The following GALNT13 variants were observed in gnomAD, a reference collection of about 807,000 sequenced individuals.
The protein encoded by GALNT13 is UDP-GalNAc:polypeptide N-acetylgalactosaminyltransferase 13.
A neutral mutation model predicts 64.2 loss-of-function variants in GALNT13; 28 were observed. The observed-to-expected ratio is 0.44, with a 90% CI of 0.32 to 0.60. The LOEUF is 0.60. GALNT13 is among the 20% of genes least tolerant of loss of function. The probability of loss-of-function intolerance (pLI) is 0.05; values close to 1 mark genes in which losing one functional copy is unlikely to be tolerated. For missense variants in GALNT13, 577 were observed against 669.8 expected (o/e 0.86, Z 1.53); for synonymous variants, 214 against 224.6 (o/e 0.95, Z 0.42).
chr2:153,470,781 C>T, the GALNT13 span, among the ~76,000 whole-genome samples: 1 of 152,084 alleles, frequency 6.6e-6, no homozygotes, highest in Non-Finnish European at 1.5e-5. Flanking sequence ...ATTAATGTTA[C>T]TTAAAAGAAG....
chr2:153,390,354 T>C, the GALNT13 span, among the ~76,000 whole-genome samples: 1 of 152,004 alleles, frequency 6.6e-6, no homozygotes, highest in African/African-American at 2.4e-5. Flanking sequence ...GAGAAATACC[T>C]AATGCAGGTG....
At chr2:153,896,323 T>A (rs1687894314) in intron 1 of GALNT13, among the ~76,000 whole-genome samples, 1 of 150,912 alleles carries the variant, frequency 6.6e-6, no homozygotes, top group African/African-American at 2.4e-5. Flanking sequence ...AACTCTAAAG[T>A]TGGTTTTACA....
intron 7 of GALNT13, among the ~76,000 whole-genome samples, chr2:154,254,211 C>T (rs1690244069): frequency 6.6e-6 from 1 of 152,102 alleles, no homozygotes; most frequent in Non-Finnish European, 1.5e-5. Flanking sequence ...AAAGCATTTA[C>T]CAGTAACAGC....
At chr2:153,683,973 C>T in the GALNT13 span, among the ~76,000 whole-genome samples, 1 of 151,466 alleles carries the variant, frequency 6.6e-6, no homozygotes, top group Non-Finnish European at 1.5e-5. Flanking sequence ...TGTCCTTCAG[C>T]AACTGGAAGT....
the GALNT13 span, among the ~76,000 whole-genome samples, chr2:153,489,134 C>A: frequency 7.3e-3 from 1,105 of 152,086 alleles, 12 homozygotes; most frequent in African/African-American, 0.026. Context: ...GGGAGAGTTG[C>A]GGGGGCTGAG....
chr2:153,888,923 C>T (rs1687364301), intron 1 of GALNT13, among the ~76,000 whole-genome samples: 1 of 151,904 alleles, frequency 6.6e-6, no homozygotes, highest in Non-Finnish European at 1.5e-5. Context: ...CACCAAGCAC[C>T]TTGGAAGTTA....
chr2:153,866,288 G>T, the GALNT13 span, among the ~76,000 whole-genome samples: 24 of 93,748 alleles, frequency 2.6e-4, no homozygotes, highest in African/African-American at 8.4e-4. Flanking sequence ...ATGTGCACAT[G>T]CACCCTAAAA....
chr2:154,147,578 G>T (rs1268415416), intron 4 of GALNT13, among the ~76,000 whole-genome samples: 1 of 151,740 alleles, frequency 6.6e-6, no homozygotes, highest in Admixed American at 6.6e-5. Flanking sequence ...AGCCAGTTCT[G>T]GTTAGAGGAG....
At chr2:154,373,179 C>T (rs561327661) in intron 9 of GALNT13, among the ~76,000 whole-genome samples, 1 of 152,046 alleles carries the variant, frequency 6.6e-6, no homozygotes, top group Admixed American at 6.6e-5. Flanking sequence ...ACCTTCAACA[C>T]TTATTTATTC....
chr2:153,783,028 G>T, the GALNT13 span, among the ~76,000 whole-genome samples: 1 of 152,158 alleles, frequency 6.6e-6, no homozygotes, highest in South Asian at 2.1e-4. Context: ...CCCAGAATGG[G>T]AATCTAGAGT....
the GALNT13 span, among the ~76,000 whole-genome samples, chr2:153,446,487 C>T: frequency 1.3e-5 from 2 of 152,120 alleles, no homozygotes; most frequent in Non-Finnish European, 2.9e-5. Context: ...GAACCCATGT[C>T]GGTCTAACTG....
the GALNT13 span, among the ~76,000 whole-genome samples, chr2:153,695,964 A>G: frequency 6.6e-6 from 1 of 151,970 alleles, no homozygotes; most frequent in African/African-American, 2.4e-5. Flanking sequence ...TCCTCTACCT[A>G]CTCTATTAGT....
At chr2:153,640,049 C>T in the GALNT13 span, among the ~76,000 whole-genome samples, 1 of 152,020 alleles carries the variant, frequency 6.6e-6, no homozygotes, top group Non-Finnish European at 1.5e-5. Flanking sequence ...GAAGCAGTTG[C>T]CAATTCCATT....
At chr2:154,444,020 G>A (rs1453467432) in intron 12 of GALNT13, among the ~76,000 whole-genome samples, 2 of 152,028 alleles carry the variant, frequency 1.3e-5, no homozygotes, top group African/African-American at 2.4e-5. Context: ...TTGCATGTCA[G>A]CCTGGATGTC....
chr2:153,590,046 C>T, the GALNT13 span, among the ~76,000 whole-genome samples: 1 of 151,616 alleles, frequency 6.6e-6, no homozygotes, highest in African/African-American at 2.4e-5. Flanking sequence ...ATACAAAAAG[C>T]CAAATAAAAT....
intron 3 of GALNT13, among the ~76,000 whole-genome samples, chr2:154,124,107 T>C (rs944797711): frequency 1.1e-4 from 17 of 152,066 alleles, no homozygotes; most frequent in Non-Finnish European, 2.9e-5. Context: ...ATCTGGGTTT[T>C]ATATTTTCCC....
chr2:154,104,205 G>C (rs1355463822), intron 3 of GALNT13, among the ~76,000 whole-genome samples: 1 of 151,976 alleles, frequency 6.6e-6, no homozygotes, highest in East Asian at 2.0e-4. Flanking sequence ...CCATGGGGGT[G>C]GGGGGATGGT....
At chr2:153,599,151 C>T in the GALNT13 span, among the ~76,000 whole-genome samples, 1 of 152,054 alleles carries the variant, frequency 6.6e-6, no homozygotes, top group Non-Finnish European at 1.5e-5. Context: ...TGCTGTGCAT[C>T]TGGCAGAGTG....
chr2:154,358,561 G>C (rs2105277961), intron 9 of GALNT13, among the ~76,000 whole-genome samples: 1 of 152,086 alleles, frequency 6.6e-6, no homozygotes, highest in South Asian at 2.1e-4. Flanking sequence ...CTTCTAAAAT[G>C]GGAGGTTTAT....
Sources: gnomAD v4.1 joint callset for allele counts (sites outside exome capture counted in the v4.1 genomes callset) on GRCh38, gnomAD v4.1.1 for gene constraint, MANE v1.5 for transcripts, NCBI Gene and HGNC (gene_info 2026-07-23, HGNC 2026-07-21) for gene names.